The following HS1BP3 variants were observed in gnomAD, a reference collection of about 807,000 sequenced individuals.
HS1BP3 encodes the protein HCLS1 binding protein 3, also known as HCLS1-binding protein 3.
HS1BP3 carries 32 observed loss-of-function variants against 33.5 expected under a neutral mutation model. The ratio of observed to expected loss-of-function variants is 0.95; its 90% CI spans 0.72 to 1.28. HS1BP3 has a LOEUF of 1.28. HS1BP3 is among the 50% of genes most tolerant of loss of function. The pLI is 0.00. For missense variants in HS1BP3, 486 were observed against 502.3 expected (o/e 0.97, Z 0.31); for synonymous variants, 187 against 209.2 (o/e 0.89, Z 0.92).
rs139375573 is a variant in HS1BP3 at position 20,632,669 on chromosome 2, C to T, written c.623+5767G>A. Among the ~76,000 whole-genome samples, 512 of 152,280 alleles carry T rather than the reference C, an allele frequency of 3.4e-3. 2 individuals are homozygous for T. The highest frequency in any genetic ancestry group is 0.011 in the African/African-American group (455 of 41,554). On this transcript the variant is annotated intron_variant, in intron 4 of 6. Transcript: ENST00000304031. ...CAACGGGTCCTGGGGGAGCCTGAGG[C>T]GGGAAAATGGCAAGTGTGACCTCCC...
rs555269318 is a variant in HS1BP3 at position 20,638,376 on chromosome 2, C to T, written c.623+60G>A. 4.1e-4 allele frequency: 612 copies of T among 1,486,090 alleles called. 2 individuals carry two copies. In the African/African-American group the frequency reaches 7.6e-3, roughly 18 times the overall value. 92.1% of individuals were successfully genotyped at this position (1,486,090 alleles called of 1,614,324 possible). On this transcript the variant is annotated intron_variant, in intron 4 of 6. Coordinates refer to ENST00000304031, the MANE Select transcript of HS1BP3 (RefSeq NM_022460.4). ...TTTCTCAGATTCCAGGGAAGGGGGA[C>T]GTCATCTCCAGAAAGCCTGGAATAC...
intron 5 of HS1BP3, 69 bp downstream of exon 5, chr2:20,624,663 C>A: frequency 6.8e-7 from 1 of 1,472,876 alleles, no homozygotes; most frequent in South Asian, 1.3e-5. Flanking sequence ...CGGGTGAGTC[C>A]AGACCCTGCC....
chr2:20,562,486 T>TA (rs1329161592), intron 5 of HS1BP3, among the ~76,000 whole-genome samples: 1 of 151,990 alleles, frequency 6.6e-6, no homozygotes, highest in Non-Finnish European at 1.5e-5. Flanking sequence ...GTCTAAAAAA[T>TA]AAAAATAAAA....
At chr2:20,619,727 G>A (rs1186084866) in intron 6 of HS1BP3, among the ~76,000 whole-genome samples, 6 of 152,228 alleles carry the variant, frequency 3.9e-5, no homozygotes, top group East Asian at 1.9e-4. Flanking sequence ...CCAGGAGGCC[G>A]AGTGACCTCG....
At chr2:20,632,289 T>G (rs2149296513) in intron 4 of HS1BP3, among the ~76,000 whole-genome samples, 1 of 152,336 alleles carries the variant, frequency 6.6e-6, no homozygotes, top group East Asian at 1.9e-4. Flanking sequence ...CCATTGCTGG[T>G]TCTCACATGG....
chr2:20,631,514 CTCAAAAAAAAAAA>C (rs2149296035), intron 4 of HS1BP3, among the ~76,000 whole-genome samples: 1 of 57,088 alleles, frequency 1.8e-5, no homozygotes, highest in East Asian at 5.7e-4. Flanking sequence ...AAGAACCTGT[CTCAAAAAAAAAAA>C]AAAAAAAAAA....
intron 2 of HS1BP3, among the ~76,000 whole-genome samples, chr2:20,601,500 C>T (rs1694067811): frequency 6.6e-6 from 1 of 152,170 alleles, no homozygotes; most frequent in Non-Finnish European, 1.5e-5. Context: ...ATAATTCCCA[C>T]ATGCTGTGGG....
intron 5 of HS1BP3, among the ~76,000 whole-genome samples, chr2:20,568,304 C>T (rs1693184776): frequency 6.6e-6 from 1 of 152,080 alleles, no homozygotes. Context: ...TGGGGAAGAA[C>T]ATTCTAGGAA....
At chr2:20,593,670 T>C (rs140370790) in intron 3 of HS1BP3, among the ~76,000 whole-genome samples, 1 of 152,234 alleles carries the variant, frequency 6.6e-6, no homozygotes, top group East Asian at 1.9e-4. Context: ...CCAGAGGCCC[T>C]TGACCCTTCC....
chr2:20,645,271 G>C, intron 2 of HS1BP3, 69 bp downstream of exon 2: 1 of 1,495,690 alleles, frequency 6.7e-7, no homozygotes, highest in Non-Finnish European at 9.1e-7. Flanking sequence ...GAACCCTGGT[G>C]GGCAGATGTG....
At chr2:20,594,463 T>C (rs548236435) in intron 3 of HS1BP3, among the ~76,000 whole-genome samples, 2 of 152,292 alleles carry the variant, frequency 1.3e-5, no homozygotes, top group South Asian at 2.1e-4. Context: ...AATGACCCAA[T>C]GGAGAGATGG....
At chr2:20,573,577 C>T (rs971505557) in intron 5 of HS1BP3, among the ~76,000 whole-genome samples, 19 of 152,186 alleles carry the variant, frequency 1.2e-4, no homozygotes, top group African/African-American at 4.1e-4. Flanking sequence ...GGGCCAACAG[C>T]TCTAAAGGAG....
chr2:20,585,052 A>G (rs980296629), intron 5 of HS1BP3, among the ~76,000 whole-genome samples: 3 of 152,170 alleles, frequency 2.0e-5, no homozygotes, highest in African/African-American at 7.2e-5. Context: ...TTGCTCCCTC[A>G]TCACCTCCTC....
rs558043070 is a variant in HS1BP3, at chr2:20,580,390, G to A, written c.303-19875C>T. On this transcript the variant is annotated intron_variant, in intron 5 of 5. Transcript: ENST00000446825. ...AAAAATTAGCCAGGCGTATCAGTGTGCACCTGTAATCCCAGCTATTCAGGA... is the reference window on the plus strand; with the variant it reads ...AAAAATTAGCCAGGCGTATCAGTGTACACCTGTAATCCCAGCTATTCAGGA... Among the ~76,000 whole-genome samples the A allele has an allele frequency of 4.3e-4, 65 of 152,250 alleles. 2 individuals carry two copies. In the East Asian group the frequency reaches 0.012, roughly 28 times the overall value.
rs187131296 is a variant in HS1BP3, at chr2:20,594,238, G to A, written c.*13-1444C>T. 1.8e-3 allele frequency among the ~76,000 whole-genome samples: 277 copies of A among 152,296 alleles called. 1 individual carries two copies. Among genetic ancestry groups the A allele is most frequent in the African/African-American group, 5.8e-3 (242 of 41,516 alleles). On this transcript the variant is annotated intron_variant, in intron 3 of 3. Coordinates refer to the HS1BP3 transcript ENST00000415264. Reference sequence around the variant, plus strand: ...GACATCTGCCATGGGTGTGGGGAGAGTGGGGGCCCAGGTGTGCTAAGGCTG... The same window carrying A: ...GACATCTGCCATGGGTGTGGGGAGAATGGGGGCCCAGGTGTGCTAAGGCTG...
At chr2:20,605,654 G>A (rs1456257498) in intron 2 of HS1BP3, among the ~76,000 whole-genome samples, 1 of 152,110 alleles carries the variant, frequency 6.6e-6, no homozygotes, top group Non-Finnish European at 1.5e-5. Flanking sequence ...TCTTTTCTGG[G>A]TATTTCATAT....
At chr2:20,644,470 T>C (rs1338118202) in intron 2 of HS1BP3, among the ~76,000 whole-genome samples, 1 of 152,188 alleles carries the variant, frequency 6.6e-6, no homozygotes, top group East Asian at 1.9e-4. Flanking sequence ...CGTCCCGAGC[T>C]CCAGCCTCAT....
At position 20,638,430 on chromosome 2, in the gene HS1BP3, A is replaced by C; in HGVS notation, c.623+6T>G. Reference sequence around the variant, plus strand: ...AAAGGGGCCCTCTCAACAACAGGAGACCAACCGCATAATGCCCAGAGGGTC... The same window carrying C: ...AAAGGGGCCCTCTCAACAACAGGAGCCCAACCGCATAATGCCCAGAGGGTC... On this transcript the variant is annotated splice_donor_region_variant and intron_variant, in intron 4 of 6. Transcript: ENST00000304031. 1 of 1,613,560 alleles carries C rather than the reference A, an allele frequency of 6.2e-7. No homozygotes were observed. The highest frequency in any genetic ancestry group is 8.5e-7 in the Non-Finnish European group (1 of 1,179,594).
chr2:20,609,702 G>A lies in HS1BP3; in HGVS notation c.179-11437C>T, dbSNP rs114825529. Among the ~76,000 whole-genome samples, 1,054 of 152,308 alleles carry A rather than the reference G, an allele frequency of 6.9e-3. 12 individuals are homozygous for A. The highest frequency in any genetic ancestry group is 0.024 in the African/African-American group (1,013 of 41,572). ...GGAAGAAAAAGAAAAGCTGGAAATC[G>A]TACAGAGGAGGAGAGAGATGCTGTC... On this transcript the variant is annotated intron_variant, in intron 2 of 3. Transcript: ENST00000415264.
Sources: gnomAD v4.1 joint callset for allele counts (sites outside exome capture counted in the v4.1 genomes callset) on GRCh38, gnomAD v4.1.1 for gene constraint, MANE v1.5 for transcripts, NCBI Gene and HGNC (gene_info 2026-07-23, HGNC 2026-07-21) for gene names.